The following TMEM87A variants were observed in gnomAD, a reference collection of about 807,000 sequenced individuals.
TMEM87A encodes the protein transmembrane protein 87A, also known as Golgi-pH regulating cation channel.
A neutral mutation model predicts 90.0 loss-of-function variants in TMEM87A; 50 were observed. That is an observed-to-expected ratio of 0.56 (90% CI 0.44 to 0.70). The LOEUF (loss-of-function observed/expected upper bound fraction) is 0.70, where lower values mean the gene tolerates loss of function less well. Among genes scored for constraint, TMEM87A ranks in the 30% least tolerant of loss-of-function variants. The pLI is 0.00. For synonymous variants in TMEM87A, 226 were observed against 226.7 expected (o/e 1.00, Z 0.03); for missense variants, 577 against 660.5 (o/e 0.87, Z 1.39).
intron 13 of TMEM87A, 119 bp downstream of exon 13, chr15:42,228,590 TAAG>T (rs2050635877): frequency 1.3e-6 from 1 of 763,592 alleles, no homozygotes; most frequent in Non-Finnish European, 2.2e-6. Flanking sequence ...TGACAAGAGC[TAAG>T]AACCCTTTTC....
At chr15:42,213,731 A>AGGC (rs1295894320) in intron 19 of TMEM87A, among the ~76,000 whole-genome samples, 7 of 152,220 alleles carry the variant, frequency 4.6e-5, no homozygotes, top group Non-Finnish European at 1.0e-4. Flanking sequence ...GGCTATCAGA[A>AGGC]TGATTGATGA....
intron 7 of TMEM87A, among the ~76,000 whole-genome samples, chr15:42,239,996 T>C (rs1225257237): frequency 2.0e-5 from 3 of 152,166 alleles, no homozygotes; most frequent in Non-Finnish European, 2.9e-5. Context: ...CATACTCACA[T>C]CTTAAAAAAG....
chr15:42,231,901 G>T, intron 11 of TMEM87A: 1 of 1,277,464 alleles, frequency 7.8e-7, no homozygotes, highest in Non-Finnish European at 1.0e-6. Context: ...TCAGAGTCAA[G>T]GGATAAGAAA....
At chr15:42,267,876 T>A in intron 3 of TMEM87A, 71 bp downstream of exon 3, 1 of 1,256,704 alleles carries the variant, frequency 8.0e-7, no homozygotes, top group Non-Finnish European at 1.1e-6. Flanking sequence ...CTCTTTCCTC[T>A]ATGAAATTAA....
intron 7 of TMEM87A, among the ~76,000 whole-genome samples, chr15:42,243,083 G>A (rs951526864): frequency 6.6e-6 from 1 of 151,864 alleles, no homozygotes; most frequent in Non-Finnish European, 1.5e-5. Flanking sequence ...TGGCTAACAC[G>A]GTGAAACTCC....
At chr15:42,245,184 A>G (rs926231815) in intron 6 of TMEM87A, among the ~76,000 whole-genome samples, 19 of 152,298 alleles carry the variant, frequency 1.2e-4, no homozygotes, top group Admixed American at 5.2e-4. Flanking sequence ...ACATTGATTT[A>G]TCTCCACCTA....
chr15:42,243,776 T>A (rs1193007143), intron 7 of TMEM87A, among the ~76,000 whole-genome samples: 2 of 152,208 alleles, frequency 1.3e-5, no homozygotes, highest in South Asian at 4.2e-4. Context: ...TGCCACGGCC[T>A]CCCAAAGTGC....
intron 11 of TMEM87A, 187 bp downstream of exon 11, chr15:42,233,026 C>A: frequency 2.7e-6 from 1 of 372,076 alleles, no homozygotes; most frequent in Admixed American, 4.5e-5. Flanking sequence ...TTCGGGCACA[C>A]ACTAAATTTA....
At chr15:42,272,938 A>C (rs1052589146) in intron 1 of TMEM87A, 2 of 531,948 alleles carry the variant, frequency 3.8e-6, no homozygotes, top group African/African-American at 3.8e-5. Flanking sequence ...AAACATCTGA[A>C]AGATAAACAA....
In TMEM87A at chr15:42,227,569, G is replaced by C. The variant is rs1251479977; in HGVS notation, c.1299+142C>G. 3 of 652,096 alleles carry C rather than the reference G, an allele frequency of 4.6e-6. No individual in the cohort carries two copies. The African/African-American group carries it at 5.5e-5, about 12-fold the overall frequency. 40.4% of individuals were successfully genotyped at this position (652,096 alleles called of 1,614,324 possible). A position where few individuals can be genotyped will look rare whatever the true frequency, so the allele number is the denominator to read the frequency against. On this transcript the variant is annotated intron_variant, in intron 14 of 19. Coordinates refer to ENST00000389834, the MANE Select transcript of TMEM87A (RefSeq NM_015497.5). ...TGATAGTACAGAATACTTAGGAGGA[G>C]GGAAGTATCACAACCCTCAGAGTAG... is the stretch of plus-strand genomic sequence containing the variant.
chr15:42,263,618 T>A (rs183129765), intron 4 of TMEM87A, among the ~76,000 whole-genome samples: 2 of 152,186 alleles, frequency 1.3e-5, no homozygotes, highest in East Asian at 3.9e-4. Flanking sequence ...CGTAATGGTG[T>A]GAATCTGTAG....
chr15:42,213,392 C>T (rs1270636102), intron 19 of TMEM87A, among the ~76,000 whole-genome samples: 1 of 152,210 alleles, frequency 6.6e-6, no homozygotes, highest in South Asian at 2.1e-4. Flanking sequence ...GAATCCCCAA[C>T]ATCCCCAAAT....
intron 6 of TMEM87A, among the ~76,000 whole-genome samples, chr15:42,260,482 T>C (rs975239608): frequency 6.6e-6 from 1 of 152,240 alleles, no homozygotes; most frequent in South Asian, 2.1e-4. Context: ...CCAACATTGA[T>C]AGCTGTCATC....
At chr15:42,233,752 T>G (rs2050726053) in intron 10 of TMEM87A, among the ~76,000 whole-genome samples, 1 of 152,096 alleles carries the variant, frequency 6.6e-6, no homozygotes, top group Non-Finnish European at 1.5e-5. Context: ...TTTTCTTTGG[T>G]ATTTCAATGG....
At chr15:42,248,990 A>G (rs906217229) in intron 6 of TMEM87A, among the ~76,000 whole-genome samples, 1 of 152,100 alleles carries the variant, frequency 6.6e-6, no homozygotes, top group African/African-American at 2.4e-5. Flanking sequence ...CAGAGATTCA[A>G]CTTCTTCCTA....
rs1037636917 is a variant in TMEM87A, at chr15:42,246,584, C to G, written c.505-2417G>C. On this transcript the variant is annotated intron_variant, in intron 6 of 19. Transcript: ENST00000389834. ...CCTCGAGAGTTTGCTCAGAATGATGCTTTCCAGCTTCATCCATGTCCCTAC... is the reference window on the plus strand; with the variant it reads ...CCTCGAGAGTTTGCTCAGAATGATGGTTTCCAGCTTCATCCATGTCCCTAC... 2.6e-5 allele frequency among the ~76,000 whole-genome samples: 4 copies of G among 152,104 alleles called. No individual in the cohort carries two copies. The East Asian group carries it at 7.7e-4, about 29-fold the overall frequency.
chr15:42,255,561 C>A (rs530940909), intron 6 of TMEM87A, among the ~76,000 whole-genome samples: 1 of 152,178 alleles, frequency 6.6e-6, no homozygotes, highest in African/African-American at 2.4e-5. Flanking sequence ...CTGCACTGCC[C>A]TCTCTGTACC....
intron 6 of TMEM87A, among the ~76,000 whole-genome samples, chr15:42,244,677 G>A (rs1443752309): frequency 6.8e-6 from 1 of 148,144 alleles, no homozygotes; most frequent in Non-Finnish European, 1.5e-5. Context: ...ATTTAACCTT[G>A]AGCTAGTCTA....
Position 42,272,061 on chromosome 15 carries a change from A to G in TMEM87A, c.205+2T>C. The G allele has an allele frequency of 6.3e-7, 1 of 1,590,864 alleles. No homozygotes were observed. The highest frequency in any genetic ancestry group is 8.5e-7 in the Non-Finnish European group (1 of 1,173,026). On this transcript the variant is annotated splice_donor_variant, in intron 2 of 19. Coordinates refer to ENST00000389834, the MANE Select transcript of TMEM87A (RefSeq NM_015497.5). LOFTEE classifies it high-confidence loss of function. ...AAAACTTCATGAAATTCAAAAACTC[A>G]CACTTCAGGAAGATAGTGGTATTTC...
Sources: allele counts gnomAD v4.1 joint callset (sites outside exome capture counted in the v4.1 genomes callset), GRCh38; gene constraint gnomAD v4.1.1; transcripts MANE v1.5; gene names NCBI Gene and HGNC (gene_info 2026-07-23, HGNC 2026-07-21).